The following PDE1A variants were observed in gnomAD, a reference collection of about 807,000 sequenced individuals.
PDE1A encodes phosphodiesterase 1A, also known as dual specificity calcium/calmodulin-dependent 3',5'-cyclic nucleotide phosphodiesterase 1A.
In PDE1A, 35 loss-of-function variants were observed where a neutral mutation model predicts 61.7. That is an observed-to-expected ratio of 0.57 (90% CI 0.43 to 0.75). PDE1A has a LOEUF of 0.75. PDE1A is among the 30% of genes least tolerant of loss of function. The probability of loss-of-function intolerance (pLI) is 0.00; values close to 1 mark genes in which losing one functional copy is unlikely to be tolerated. For synonymous variants in PDE1A, 232 were observed against 213.2 expected (o/e 1.09, Z -0.77); for missense variants, 597 against 630.6 (o/e 0.95, Z 0.57).
chr2:182,445,355 T>C (rs1685065940), intron 2 of PDE1A, among the ~76,000 whole-genome samples: 1 of 152,096 alleles, frequency 6.6e-6, no homozygotes, highest in Non-Finnish European at 1.5e-5. Context: ...GAGTAAATAG[T>C]TTATGCCTTG....
intron 4 of PDE1A, 54 bp downstream of exon 4, chr2:182,234,378 A>T (rs1689835931): frequency 8.2e-7 from 1 of 1,214,570 alleles, no homozygotes; most frequent in Non-Finnish European, 1.2e-6. Context: ...AGCCTTTTTA[A>T]GAGAATTTTT....
chr2:182,252,609 A>G (rs1691482170), intron 2 of PDE1A, among the ~76,000 whole-genome samples: 1 of 152,244 alleles, frequency 6.6e-6, no homozygotes, highest in African/African-American at 2.4e-5. Flanking sequence ...GATCTTGAGA[A>G]GGAACACTGG....
the PDE1A span, among the ~76,000 whole-genome samples, chr2:182,650,385 T>C: frequency 1.3e-5 from 2 of 152,212 alleles, no homozygotes; most frequent in Non-Finnish European, 2.9e-5. Flanking sequence ...GATACAAATA[T>C]GTAGTGTGAT....
At chr2:182,709,850 T>C in the PDE1A span, among the ~76,000 whole-genome samples, 1 of 152,354 alleles carries the variant, frequency 6.6e-6, no homozygotes, top group South Asian at 2.1e-4. Context: ...TTCCCCATCA[T>C]GACCAATTTA....
chr2:182,541,541 T>C, the PDE1A span, among the ~76,000 whole-genome samples: 3 of 152,142 alleles, frequency 2.0e-5, no homozygotes, highest in African/African-American at 7.2e-5. Context: ...ATGGTGACCA[T>C]GGGTCTTGGT....
At chr2:182,463,705 G>C (rs1686462289) in intron 2 of PDE1A, 1 of 152,116 alleles carries the variant, frequency 6.6e-6, no homozygotes, top group Non-Finnish European at 1.5e-5. Context: ...AAAATTTTAT[G>C]TTTTGTTAAT....
intron 2 of PDE1A, among the ~76,000 whole-genome samples, chr2:182,477,537 G>T (rs925774844): frequency 6.6e-6 from 1 of 151,880 alleles, no homozygotes; most frequent in Admixed American, 6.6e-5. Context: ...CAAAGACAAT[G>T]TTGTCAACTT....
intron 2 of PDE1A, among the ~76,000 whole-genome samples, chr2:182,488,497 C>T (rs1031965286): frequency 2.6e-5 from 4 of 152,052 alleles, no homozygotes; most frequent in African/African-American, 9.7e-5. Context: ...TTAGATATTT[C>T]AAAGTGTTTT....
intron 1 of PDE1A, among the ~76,000 whole-genome samples, chr2:182,370,402 G>T (rs1700067245): frequency 6.6e-6 from 1 of 152,158 alleles, no homozygotes; most frequent in African/African-American, 2.4e-5. Flanking sequence ...AACTTGTAAA[G>T]ATTTCAGACA....
rs1354467929 is a variant in PDE1A, at chr2:182,394,925, A to T, written c.53+31653T>A. Among the ~76,000 whole-genome samples, 4 of 152,198 alleles carry T rather than the reference A, an allele frequency of 2.6e-5. No individual in the cohort carries two copies. The East Asian group carries it at 7.7e-4, about 29-fold the overall frequency. On this transcript the variant is annotated intron_variant, in intron 1 of 13. Coordinates refer to ENST00000351439, the Ensembl canonical transcript of PDE1A. ...GCTGCAGAGATTAGTGCCACCATCA[A>T]GGACTTGAAAGACGCAGGGGTGGTG...
intron 1 of PDE1A, among the ~76,000 whole-genome samples, chr2:182,355,933 T>G (rs1384393178): frequency 6.6e-6 from 1 of 152,176 alleles, no homozygotes; most frequent in African/African-American, 2.4e-5. Context: ...GAAACTACGT[T>G]TGCTTATAAT....
At chr2:182,292,681 C>T (rs568703411) in intron 1 of PDE1A, among the ~76,000 whole-genome samples, 1 of 151,972 alleles carries the variant, frequency 6.6e-6, no homozygotes, top group South Asian at 2.1e-4. Flanking sequence ...AAAGTGGAAA[C>T]CATACATGCA....
intron 1 of PDE1A, among the ~76,000 whole-genome samples, chr2:182,350,683 G>T (rs1184513289): frequency 6.6e-6 from 1 of 152,124 alleles, no homozygotes; most frequent in Non-Finnish European, 1.5e-5. Context: ...TCACAGTCAA[G>T]AAGAGTGGTG....
At chr2:182,636,508 C>A in the PDE1A span, among the ~76,000 whole-genome samples, 1 of 152,126 alleles carries the variant, frequency 6.6e-6, no homozygotes, top group Non-Finnish European at 1.5e-5. Flanking sequence ...TTAAGTCACC[C>A]AGTTTCCCTT....
At chr2:182,370,092 C>T (rs1278144105) in intron 1 of PDE1A, among the ~76,000 whole-genome samples, 1 of 151,772 alleles carries the variant, frequency 6.6e-6, no homozygotes, top group African/African-American at 2.4e-5. Flanking sequence ...CATGAGAATC[C>T]CTTGAACCTG....
chr2:182,712,909 C>G, the PDE1A span, among the ~76,000 whole-genome samples: 14 of 152,104 alleles, frequency 9.2e-5, no homozygotes, highest in Non-Finnish European at 1.9e-4. Flanking sequence ...GTTGTTTAAA[C>G]ACTTCTGTGG....
the PDE1A span, among the ~76,000 whole-genome samples, chr2:182,616,769 G>C: frequency 6.6e-6 from 1 of 152,126 alleles, no homozygotes; most frequent in Non-Finnish European, 1.5e-5. Context: ...TACCAATCCT[G>C]GACCTGCCCC....
chr2:182,225,278 A>T (rs1689053935), intron 6 of PDE1A, among the ~76,000 whole-genome samples: 1 of 151,958 alleles, frequency 6.6e-6, no homozygotes, highest in South Asian at 2.1e-4. Context: ...ACTGAAGAAT[A>T]TGGAGAGTAT....
chr2:182,559,277 T>C, the PDE1A span, among the ~76,000 whole-genome samples: 5 of 152,064 alleles, frequency 3.3e-5, no homozygotes, highest in Non-Finnish European at 2.9e-5. Context: ...GGGAGACTGA[T>C]ATAAAGTGAA....
Sources: allele counts gnomAD v4.1 joint callset (sites outside exome capture counted in the v4.1 genomes callset), GRCh38; gene constraint gnomAD v4.1.1; transcripts MANE v1.5; gene names NCBI Gene and HGNC (gene_info 2026-07-23, HGNC 2026-07-21).